Variants in TLK2 observed in about 807,000 individuals in gnomAD.
The protein encoded by TLK2 is tousled like kinase 2, also known as serine/threonine-protein kinase tousled-like 2.
A neutral mutation model predicts 117.3 loss-of-function variants in TLK2; 6 were observed. The ratio of observed to expected loss-of-function variants is 0.05; its 90% CI spans 0.03 to 0.10. TLK2 has a LOEUF of 0.10. Ranked by LOEUF, TLK2 falls within the 10% of genes least tolerant of loss-of-function variation. The probability of loss-of-function intolerance (pLI) is 1.00; values close to 1 mark genes in which losing one functional copy is unlikely to be tolerated. For missense variants in TLK2, 299 were observed against 901.2 expected (o/e 0.33, Z 8.56); for synonymous variants, 257 against 316.7 (o/e 0.81, Z 2.00).
At chr17:62,571,890 G>A (rs1016541246) in intron 11 of TLK2, among the ~76,000 whole-genome samples, 4 of 148,104 alleles carry the variant, frequency 2.7e-5, no homozygotes, top group East Asian at 1.9e-4. Context: ...AGATTTTGCC[G>A]GGCACGGTGG....
At chr17:62,516,411 G>A (rs1471852051) in intron 2 of TLK2, 21 of 1,589,662 alleles carry the variant, frequency 1.3e-5, no homozygotes, top group Non-Finnish European at 1.5e-5. Context: ...CTTTCTTGTC[G>A]GCACCAGGTA....
At chr17:62,598,009 C>T (rs2082604638) in intron 17 of TLK2, among the ~76,000 whole-genome samples, 1 of 152,184 alleles carries the variant, frequency 6.6e-6, no homozygotes, top group Non-Finnish European at 1.5e-5. Flanking sequence ...AGACAGCTGC[C>T]TTACATTTAG....
At chr17:62,600,553 G>T in intron 17 of TLK2, 98 bp from the exon 18 acceptor site, 1 of 973,616 alleles carries the variant, frequency 1.0e-6, no homozygotes. Context: ...AAAGGAGTGA[G>T]AAGCTGATGA....
At chr17:62,586,414 G>C (rs190082912) in intron 16 of TLK2, among the ~76,000 whole-genome samples, 188 bp downstream of exon 16, 2 of 152,302 alleles carry the variant, frequency 1.3e-5, no homozygotes, top group African/African-American at 4.8e-5. Flanking sequence ...GGAGTAACAG[G>C]AAGTGGCTGA....
At chr17:62,472,565 C>T (rs981016147) in intron 1 of TLK2, among the ~76,000 whole-genome samples, 5 of 151,848 alleles carry the variant, frequency 3.3e-5, no homozygotes, top group Admixed American at 1.3e-4. Flanking sequence ...GGTGAAACCC[C>T]GTCTCTACTA....
At chr17:62,552,240 A>C in intron 7 of TLK2, 62 bp from the exon 8 acceptor site, 2 of 1,317,500 alleles carry the variant, frequency 1.5e-6, no homozygotes, top group Non-Finnish European at 2.1e-6. Context: ...TTGCATTAAT[A>C]CAAGTGTTTG....
chr17:62,516,597 G>A (rs1598336159), intron 2 of TLK2: 21 of 1,609,862 alleles, frequency 1.3e-5, no homozygotes, highest in Non-Finnish European at 1.7e-5. Flanking sequence ...GTTCTTTCAC[G>A]TAGCCTCGGC....
At chr17:62,600,963 A>G (rs1332680493) in intron 18 of TLK2, 143 bp downstream of exon 18, 1 of 787,710 alleles carries the variant, frequency 1.3e-6, no homozygotes, top group East Asian at 2.8e-5. Context: ...TAGGTGTGGG[A>G]AAAAAGAGTC....
chr17:62,498,784 T>G (rs1241286366), intron 2 of TLK2, among the ~76,000 whole-genome samples: 2 of 152,208 alleles, frequency 1.3e-5, no homozygotes, highest in Non-Finnish European at 2.9e-5. Flanking sequence ...TGGGGAAAAG[T>G]GAGTTAGACC....
chr17:62,549,739 C>G (rs952304653), intron 7 of TLK2: 1 of 151,982 alleles, frequency 6.6e-6, no homozygotes, highest in African/African-American at 2.4e-5. Context: ...ACCTCCACCT[C>G]CCGGGCTCAA....
chr17:62,605,833 C>T (rs922563285), intron 19 of TLK2, among the ~76,000 whole-genome samples: 3 of 151,650 alleles, frequency 2.0e-5, no homozygotes, highest in Non-Finnish European at 4.4e-5. Context: ...AGTGAGACCC[C>T]ACTGCTACAA....
chr17:62,477,237 G>C (rs541641267), upstream of TLK2, among the ~76,000 whole-genome samples: 11 of 152,348 alleles, frequency 7.2e-5, no homozygotes, highest in South Asian at 1.9e-3. Context: ...AGGCAGTGGA[G>C]GCTGGCCTCG....
At chr17:62,592,186 C>T (rs930628565) in intron 16 of TLK2, among the ~76,000 whole-genome samples, 4 of 152,026 alleles carry the variant, frequency 2.6e-5, no homozygotes, top group East Asian at 1.9e-4. Context: ...CTTGAACTCC[C>T]GACCTCAGGT....
At chr17:62,597,498 T>C (rs1285689914) in intron 17 of TLK2, among the ~76,000 whole-genome samples, 1 of 152,166 alleles carries the variant, frequency 6.6e-6, no homozygotes, top group African/African-American at 2.4e-5. Flanking sequence ...CACTAGTGAG[T>C]GTAGACTGTT....
At chr17:62,563,973 G>A (rs1282818127) in intron 10 of TLK2, among the ~76,000 whole-genome samples, 2 of 152,174 alleles carry the variant, frequency 1.3e-5, no homozygotes, top group Non-Finnish European at 2.9e-5. Flanking sequence ...AGTGTGCAAA[G>A]TGGTGTTCTG....
upstream of TLK2, among the ~76,000 whole-genome samples, chr17:62,478,692 C>G (rs1318662986): frequency 1.6e-5 from 2 of 124,284 alleles, no homozygotes; most frequent in African/African-American, 5.3e-5. Flanking sequence ...GGACCCCCCC[C>G]CACCTTCCTC....
intron 7 of TLK2, among the ~76,000 whole-genome samples, chr17:62,545,873 T>TTTTGTTTGTTTG (rs71155937): frequency 2.0e-5 from 3 of 150,320 alleles, no homozygotes; most frequent in Non-Finnish European, 3.0e-5. Context: ...CCGGCTGATT[T>TTTTGTTTGTTTG]TTTGTTTGTT....
chr17:62,483,202 C>G (rs1440599845), intron 2 of TLK2, among the ~76,000 whole-genome samples: 1 of 151,702 alleles, frequency 6.6e-6, no homozygotes, highest in Non-Finnish European at 1.5e-5. Context: ...CCCACCCCCG[C>G]CTCCCGTAAG....
At chr17:62,604,798 A>C (rs1367090698) in intron 19 of TLK2, among the ~76,000 whole-genome samples, 1 of 151,896 alleles carries the variant, frequency 6.6e-6, no homozygotes, top group Non-Finnish European at 1.5e-5. Context: ...AATCCCAGCT[A>C]TTCGGAGGTT....
Sources: allele counts gnomAD v4.1 joint callset (sites outside exome capture counted in the v4.1 genomes callset), GRCh38; gene constraint gnomAD v4.1.1; transcripts MANE v1.5; gene names NCBI Gene and HGNC (gene_info 2026-07-23, HGNC 2026-07-21).